The following BCKDHB variants were observed in gnomAD, a reference collection of about 807,000 sequenced individuals.
BCKDHB encodes branched chain keto acid dehydrogenase E1 subunit beta.
Under a neutral mutation model 48.5 loss-of-function variants are expected in BCKDHB, and 41 were observed. The observed-to-expected ratio is 0.85, with a 90% CI of 0.66 to 1.10. The LOEUF (loss-of-function observed/expected upper bound fraction) is 1.10. Among genes scored for constraint, BCKDHB ranks in the 50% least tolerant of loss-of-function variants. BCKDHB has a pLI of 0.00. For synonymous variants in BCKDHB, 201 were observed against 174.8 expected, an observed-to-expected ratio of 1.15 and a Z score of -1.18; for missense variants, 496 against 494.2, an observed-to-expected ratio of 1.00 and a Z score of -0.03.
chr6:80,220,512 G>T (rs1775393061), intron 8 of BCKDHB, among the ~76,000 whole-genome samples: 1 of 147,854 alleles, frequency 6.8e-6, no homozygotes. Flanking sequence ...TCTTCTCTAG[G>T]CTTTTCCACT....
chr6:80,205,908 A>T (rs1774634790), intron 8 of BCKDHB, among the ~76,000 whole-genome samples: 1 of 151,098 alleles, frequency 6.6e-6, no homozygotes, highest in African/African-American at 2.4e-5. Context: ...GACACCGATG[A>T]CCTATAGCTG....
chr6:80,438,278 A>C, the BCKDHB span, among the ~76,000 whole-genome samples: 3 of 152,228 alleles, frequency 2.0e-5, no homozygotes, highest in African/African-American at 7.2e-5. Context: ...TTATTTTCTC[A>C]TATCAGAACA....
intron 9 of BCKDHB, among the ~76,000 whole-genome samples, chr6:80,292,351 A>G (rs989269692): frequency 2.0e-5 from 3 of 152,336 alleles, no homozygotes; most frequent in Non-Finnish European, 4.4e-5. Context: ...GAGAGACCTC[A>G]CAATCATGAT....
intron 9 of BCKDHB, among the ~76,000 whole-genome samples, chr6:80,274,359 G>A (rs951977802): frequency 6.6e-6 from 1 of 151,816 alleles, no homozygotes; most frequent in African/African-American, 2.4e-5. Context: ...TAGATTTATT[G>A]TTTTCCTAGT....
At chr6:80,256,484 T>TA (rs1159320194) in intron 8 of BCKDHB, among the ~76,000 whole-genome samples, 1 of 152,188 alleles carries the variant, frequency 6.6e-6, no homozygotes, top group Non-Finnish European at 1.5e-5. Context: ...TTTATAATCT[T>TA]ATGAGGCTAC....
intron 9 of BCKDHB, among the ~76,000 whole-genome samples, chr6:80,311,823 C>G (rs1340627993): frequency 6.6e-6 from 1 of 152,166 alleles, no homozygotes; most frequent in Non-Finnish European, 1.5e-5. Flanking sequence ...GTGTTGTTTA[C>G]TGTAGCCTTG....
chr6:80,379,967 T>A, the BCKDHB span, among the ~76,000 whole-genome samples: 1 of 152,116 alleles, frequency 6.6e-6, no homozygotes, highest in Non-Finnish European at 1.5e-5. Context: ...TACCCCATGC[T>A]CATGGATTAG....
At chr6:80,205,705 A>G (rs1175811302) in intron 8 of BCKDHB, among the ~76,000 whole-genome samples, 1 of 152,032 alleles carries the variant, frequency 6.6e-6, no homozygotes, top group Non-Finnish European at 1.5e-5. Flanking sequence ...GATATTAAAA[A>G]GCTAAGCTGG....
chr6:80,133,802 C>G (rs757175396), intron 3 of BCKDHB, among the ~76,000 whole-genome samples: 4 of 152,060 alleles, frequency 2.6e-5, no homozygotes, highest in Non-Finnish European at 5.9e-5. Context: ...ACCACCACAC[C>G]TGGCTAATTT....
chr6:80,356,648 A>G, the BCKDHB span: 11 of 152,242 alleles, frequency 7.2e-5, no homozygotes, highest in Non-Finnish European at 1.6e-4. Context: ...AAGTTATATC[A>G]TAATGAAAGA....
At chr6:80,234,441 T>C (rs929956008) in intron 8 of BCKDHB, among the ~76,000 whole-genome samples, 3 of 152,196 alleles carry the variant, frequency 2.0e-5, no homozygotes, top group African/African-American at 7.2e-5. Flanking sequence ...TATATAAATA[T>C]AGATTGGGAT....
At chr6:80,404,054 C>T in the BCKDHB span, among the ~76,000 whole-genome samples, 1 of 151,812 alleles carries the variant, frequency 6.6e-6, no homozygotes, top group East Asian at 1.9e-4. Flanking sequence ...TTGTAATGTG[C>T]TTATCTGGGT....
At chr6:80,313,001 G>C (rs1768245229) in intron 9 of BCKDHB, among the ~76,000 whole-genome samples, 1 of 152,130 alleles carries the variant, frequency 6.6e-6, no homozygotes, top group South Asian at 2.1e-4. Context: ...CAGTAGGAAT[G>C]GTACCAAGCT....
chr6:80,200,581 C>T (rs1217942704), intron 6 of BCKDHB, among the ~76,000 whole-genome samples: 1 of 152,114 alleles, frequency 6.6e-6, no homozygotes, highest in Non-Finnish European at 1.5e-5. Flanking sequence ...CAGGGTTTGC[C>T]TTATTAACAT....
the BCKDHB span, among the ~76,000 whole-genome samples, chr6:80,395,923 A>T: frequency 1.3e-5 from 2 of 152,216 alleles, no homozygotes; most frequent in Non-Finnish European, 2.9e-5. Flanking sequence ...TTCAGAGAGT[A>T]CAAACCTCAA....
At chr6:80,230,315 G>A (rs974036603) in intron 8 of BCKDHB, among the ~76,000 whole-genome samples, 3 of 151,900 alleles carry the variant, frequency 2.0e-5, no homozygotes, top group Non-Finnish European at 4.4e-5. Flanking sequence ...TGGGATTACA[G>A]GCGTGAGCCA....
chr6:80,353,543 T>C, the BCKDHB span, among the ~76,000 whole-genome samples: 31,193 of 151,970 alleles, frequency 0.21, 3,700 homozygotes, highest in South Asian at 0.37. Context: ...AAATGTGTTT[T>C]TTTTTGTCTT....
chr6:80,322,333 G>A (rs576829274), intron 9 of BCKDHB, among the ~76,000 whole-genome samples: 2 of 148,302 alleles, frequency 1.3e-5, no homozygotes, highest in South Asian at 4.3e-4. Flanking sequence ...CTACCTCCCA[G>A]GTTCAAGTGA....
chr6:80,178,118 A>G (rs1006958129), intron 6 of BCKDHB, among the ~76,000 whole-genome samples: 2 of 152,202 alleles, frequency 1.3e-5, no homozygotes, highest in Non-Finnish European at 2.9e-5. Context: ...ATCTCAGGAC[A>G]TGGCCATGTG....
Sources: gnomAD v4.1 joint callset for allele counts (sites outside exome capture counted in the v4.1 genomes callset) on GRCh38, gnomAD v4.1.1 for gene constraint, MANE v1.5 for transcripts, NCBI Gene and HGNC (gene_info 2026-07-23, HGNC 2026-07-21) for gene names.